SCHIP1: variants seen among roughly 807,000 people sequenced by gnomAD.
The protein encoded by SCHIP1 is schwannomin interacting protein 1, also known as schwannomin-interacting protein 1.
SCHIP1 carries 8 observed loss-of-function variants against 29.7 expected under a neutral mutation model. The ratio of observed to expected loss-of-function variants is 0.27; its 90% confidence interval spans 0.16 to 0.49. The LOEUF (loss-of-function observed/expected upper bound fraction) is 0.49, where lower values mean the gene tolerates loss of function less well. Among genes scored for constraint, SCHIP1 ranks in the 20% least tolerant of loss-of-function variants. The pLI, the probability that SCHIP1 is intolerant of heterozygous loss-of-function variation, is 0.99. For synonymous variants in SCHIP1, 76 were observed against 94.9 expected (o/e 0.80, Z 1.16); for missense variants, 193 against 294.6 (o/e 0.66, Z 2.52).
At chr3:159,485,878 T>C in the SCHIP1 span, among the ~76,000 whole-genome samples, 3 of 152,322 alleles carry the variant, frequency 2.0e-5, no homozygotes, top group Admixed American at 2.0e-4. Context: ...ACTATTATTT[T>C]GCTGTTCTAG....
the SCHIP1 span, among the ~76,000 whole-genome samples, chr3:159,380,963 T>C: frequency 1.3e-5 from 2 of 152,110 alleles, no homozygotes; most frequent in South Asian, 4.1e-4. Context: ...GCTTAAAGAG[T>C]GGTTGCTATT....
the SCHIP1 span, among the ~76,000 whole-genome samples, chr3:159,553,824 G>A: frequency 4.6e-5 from 7 of 151,654 alleles, no homozygotes; most frequent in African/African-American, 1.2e-4. Context: ...TTTTTGAGAC[G>A]GAGTCTCACT....
the SCHIP1 span, among the ~76,000 whole-genome samples, chr3:159,827,894 A>G: frequency 6.6e-6 from 1 of 152,042 alleles, no homozygotes; most frequent in East Asian, 1.9e-4. Flanking sequence ...TTCAATTTTC[A>G]TAATGAACTC....
the SCHIP1 span, among the ~76,000 whole-genome samples, chr3:159,818,228 T>C: frequency 1.3e-5 from 2 of 152,168 alleles, no homozygotes; most frequent in Non-Finnish European, 2.9e-5. Flanking sequence ...TATGCTCTTA[T>C]CGTATGGCCC....
the SCHIP1 span, among the ~76,000 whole-genome samples, chr3:159,285,612 ATATTT>A: frequency 1.3e-4 from 20 of 152,156 alleles, no homozygotes; most frequent in Middle Eastern, 3.4e-3. Context: ...CATATCAATT[ATATTT>A]TATTTTATTT....
At chr3:159,561,499 A>G in the SCHIP1 span, among the ~76,000 whole-genome samples, 5 of 152,364 alleles carry the variant, frequency 3.3e-5, 1 homozygote, top group South Asian at 1.0e-3. Context: ...TGTCATGAAT[A>G]TACAGACATT....
intron 1 of SCHIP1, chr3:159,845,375 G>A (rs1711644182): frequency 6.8e-6 from 1 of 147,980 alleles, no homozygotes; most frequent in Non-Finnish European, 1.5e-5. Flanking sequence ...TAGACGACAA[G>A]CTTCTTCTTT....
At chr3:159,504,122 G>A in the SCHIP1 span, among the ~76,000 whole-genome samples, 2 of 152,286 alleles carry the variant, frequency 1.3e-5, no homozygotes, top group South Asian at 4.1e-4. Flanking sequence ...ATTAACAGAG[G>A]AGAGAGGACA....
the SCHIP1 span, among the ~76,000 whole-genome samples, chr3:159,640,259 T>C: frequency 6.6e-6 from 1 of 152,138 alleles, no homozygotes; most frequent in Admixed American, 6.6e-5. Context: ...TCCCAGGGTA[T>C]GAAGTTATCT....
At chr3:159,796,629 G>T in the SCHIP1 span, among the ~76,000 whole-genome samples, 4 of 152,142 alleles carry the variant, frequency 2.6e-5, no homozygotes, top group Non-Finnish European at 5.9e-5. Context: ...TGATCATGAT[G>T]GTAAAAAAAT....
chr3:159,436,916 C>G, the SCHIP1 span, among the ~76,000 whole-genome samples: 487 of 152,146 alleles, frequency 3.2e-3, no homozygotes, highest in Non-Finnish European at 5.4e-3. Context: ...CTAGGAAGTT[C>G]TAAGGAGCTA....
At chr3:159,509,896 TAA>T in the SCHIP1 span, among the ~76,000 whole-genome samples, 1 of 152,184 alleles carries the variant, frequency 6.6e-6, no homozygotes, top group African/African-American at 2.4e-5. Context: ...TGGCTGCCCT[TAA>T]CATTTTTTCC....
chr3:159,348,923 T>G, the SCHIP1 span, among the ~76,000 whole-genome samples: 1 of 152,180 alleles, frequency 6.6e-6, no homozygotes, highest in Non-Finnish European at 1.5e-5. Context: ...CCATAAGGAA[T>G]GAGTATTCAG....
the SCHIP1 span, among the ~76,000 whole-genome samples, chr3:159,696,988 G>GA: frequency 8.5e-5 from 13 of 152,318 alleles, 1 homozygote; most frequent in South Asian, 2.7e-3. Context: ...AAGGAAGCCA[G>GA]ATTTGTTTAT....
chr3:159,304,960 C>T, the SCHIP1 span, among the ~76,000 whole-genome samples: 1 of 152,296 alleles, frequency 6.6e-6, no homozygotes, highest in South Asian at 2.1e-4. Context: ...TCTCAAACCC[C>T]GATCCCTCCC....
At chr3:159,273,850 G>T in the SCHIP1 span, 4 of 1,613,536 alleles carry the variant, frequency 2.5e-6, no homozygotes, top group Non-Finnish European at 2.5e-6. Context: ...GTGTTACAAC[G>T]TGGGACTGTG....
the SCHIP1 span, among the ~76,000 whole-genome samples, chr3:159,281,643 A>G: frequency 6.6e-5 from 10 of 152,306 alleles, no homozygotes; most frequent in East Asian, 1.9e-3. Flanking sequence ...AAAAACTGAC[A>G]GGAAATGAGG....
At chr3:159,825,822 CAG>C in the SCHIP1 span, among the ~76,000 whole-genome samples, 1 of 151,986 alleles carries the variant, frequency 6.6e-6, no homozygotes, top group African/African-American at 2.4e-5. Flanking sequence ...CTTATTTAGA[CAG>C]GGGGCTAAGG....
At chr3:159,572,980 T>C in the SCHIP1 span, among the ~76,000 whole-genome samples, 1 of 150,634 alleles carries the variant, frequency 6.6e-6, no homozygotes, top group Non-Finnish European at 1.5e-5. Context: ...CCTTCCTCCA[T>C]CCTTTTATTT....
Sources: gnomAD v4.1 joint callset for allele counts (sites outside exome capture counted in the v4.1 genomes callset) on GRCh38, gnomAD v4.1.1 for gene constraint, MANE v1.5 for transcripts, NCBI Gene and HGNC (gene_info 2026-07-23, HGNC 2026-07-21) for gene names.